CDC42BPA: variants seen among roughly 807,000 people sequenced by gnomAD.
The protein encoded by CDC42BPA is serine/threonine-protein kinase MRCK alpha.
CDC42BPA carries 80 observed loss-of-function variants against 223.5 expected under a neutral mutation model. The observed-to-expected ratio is 0.36, with a 90% CI of 0.30 to 0.43. The LOEUF is 0.43. Among genes scored for constraint, CDC42BPA ranks in the 20% least tolerant of loss-of-function variants. The probability of loss-of-function intolerance (pLI) is 1.00; values close to 1 mark genes in which losing one functional copy is unlikely to be tolerated. For synonymous variants in CDC42BPA, 694 were observed against 718.6 expected (o/e 0.97, Z 0.55); for missense variants, 1,743 against 2,099.9 (o/e 0.83, Z 3.32).
At chr1:227,288,471 A>G (rs67316436) in intron 1 of CDC42BPA, among the ~76,000 whole-genome samples, 46,764 of 151,860 alleles carry the variant, frequency 0.31, 7,375 homozygotes, top group East Asian at 0.37. Flanking sequence ...GGCCAAGGCA[A>G]GTGGATTCCT....
At chr1:227,082,407 T>C (rs1212057474) in intron 16 of CDC42BPA, among the ~76,000 whole-genome samples, 1 of 151,896 alleles carries the variant, frequency 6.6e-6, no homozygotes, top group Non-Finnish European at 1.5e-5. Flanking sequence ...TATTTTTCTT[T>C]TGACTTGAAG....
At chr1:227,155,643 T>C (rs758103585) in intron 6 of CDC42BPA, among the ~76,000 whole-genome samples, 8 of 152,112 alleles carry the variant, frequency 5.3e-5, no homozygotes, top group Non-Finnish European at 1.2e-4. Context: ...TTCAACGTGG[T>C]GGAGAGTTTG....
At chr1:227,143,304 A>T (rs1227495464) in intron 8 of CDC42BPA, among the ~76,000 whole-genome samples, 1 of 152,210 alleles carries the variant, frequency 6.6e-6, no homozygotes, top group Non-Finnish European at 1.5e-5. Flanking sequence ...TTTGTGTAGA[A>T]GCTAATATTT....
At chr1:227,122,710 C>G (rs1688864905) in intron 11 of CDC42BPA, among the ~76,000 whole-genome samples, 5 of 152,140 alleles carry the variant, frequency 3.3e-5, no homozygotes, top group Admixed American at 3.3e-4. Context: ...AACCCCTCCC[C>G]TAATATTTAA....
intron 4 of CDC42BPA, among the ~76,000 whole-genome samples, chr1:227,198,448 AAAAAG>A (rs1334184951): frequency 1.4e-5 from 2 of 141,000 alleles, no homozygotes; most frequent in African/African-American, 5.3e-5. Context: ...CAAAAAAAAA[AAAAAG>A]AAAAGAAAGA....
At chr1:227,066,630 T>C (rs1195491212) in intron 21 of CDC42BPA, among the ~76,000 whole-genome samples, 1 of 152,052 alleles carries the variant, frequency 6.6e-6, no homozygotes, top group African/African-American at 2.4e-5. Context: ...GTTTGTGCCA[T>C]AAAATATTGG....
At chr1:227,033,199 C>T (rs575032402) in intron 27 of CDC42BPA, 135 bp downstream of exon 27, 2 of 564,754 alleles carry the variant, frequency 3.5e-6, no homozygotes, top group East Asian at 5.7e-5. Context: ...CCTTCAAGTA[C>T]TGGATGATAT....
At chr1:227,211,712 C>T (rs1443273129) in intron 3 of CDC42BPA, among the ~76,000 whole-genome samples, 1 of 152,008 alleles carries the variant, frequency 6.6e-6, no homozygotes, top group Admixed American at 6.6e-5. Flanking sequence ...GGAAGCTAAA[C>T]CATGAGTACA....
chr1:227,180,890 G>A (rs1200486093), intron 5 of CDC42BPA, among the ~76,000 whole-genome samples: 3 of 149,558 alleles, frequency 2.0e-5, no homozygotes, highest in African/African-American at 7.3e-5. Context: ...GTTTAAACAT[G>A]GTTAGAAATA....
intron 2 of CDC42BPA, among the ~76,000 whole-genome samples, chr1:227,232,047 A>T (rs1177996280): frequency 1.3e-5 from 2 of 152,164 alleles, no homozygotes; most frequent in Non-Finnish European, 2.9e-5. Context: ...TTTAGTCATG[A>T]AGTCCTTGCC....
At chr1:227,118,012 AG>A (rs547415665) in intron 12 of CDC42BPA, among the ~76,000 whole-genome samples, 4 of 152,230 alleles carry the variant, frequency 2.6e-5, no homozygotes, top group Non-Finnish European at 4.4e-5. Context: ...ACCCATGTGA[AG>A]ATACTTGACC....
chr1:227,298,044 A>G (rs908562834), intron 1 of CDC42BPA, among the ~76,000 whole-genome samples: 12 of 148,866 alleles, frequency 8.1e-5, no homozygotes. Flanking sequence ...TACATACACC[A>G]AAAGAAAGCA....
At chr1:227,089,649 TTTA>T (rs1449269664) in intron 16 of CDC42BPA, among the ~76,000 whole-genome samples, 39 of 141,904 alleles carry the variant, frequency 2.7e-4, no homozygotes, top group African/African-American at 1.0e-3. Context: ...TTTTTTTTTT[TTTA>T]AAAACAAACT....
At chr1:227,008,642 C>A (rs1379610111) in intron 34 of CDC42BPA, among the ~76,000 whole-genome samples, 1 of 151,812 alleles carries the variant, frequency 6.6e-6, no homozygotes, top group African/African-American at 2.4e-5. Flanking sequence ...AAGGTTATGG[C>A]AAAACAACTA....
chr1:227,223,620 TCTAGCAC>T (rs2147888833), intron 2 of CDC42BPA, among the ~76,000 whole-genome samples: 1 of 152,230 alleles, frequency 6.6e-6, no homozygotes, highest in East Asian at 1.9e-4. Flanking sequence ...GAGTGAGAAA[TCTAGCAC>T]CTCCCTTTGT....
chr1:227,182,043 G>A (rs913960251), intron 5 of CDC42BPA, among the ~76,000 whole-genome samples: 28 of 152,016 alleles, frequency 1.8e-4, no homozygotes, highest in African/African-American at 4.1e-4. Flanking sequence ...TTTATTTTCC[G>A]TAAGACATTG....
chr1:227,086,769 TA>T (rs1346418944), intron 16 of CDC42BPA, among the ~76,000 whole-genome samples: 2 of 150,856 alleles, frequency 1.3e-5, no homozygotes, highest in Non-Finnish European at 2.9e-5. Context: ...TGGACTCACA[TA>T]AATCCTCCCG....
At chr1:227,026,354 A>T (rs1402395665) in intron 30 of CDC42BPA, among the ~76,000 whole-genome samples, 1 of 152,212 alleles carries the variant, frequency 6.6e-6, no homozygotes, top group African/African-American at 2.4e-5. Flanking sequence ...CATGATTCAG[A>T]TTATATAGCC....
chr1:227,194,229 T>C (rs1670286417), intron 4 of CDC42BPA, among the ~76,000 whole-genome samples: 1 of 152,116 alleles, frequency 6.6e-6, no homozygotes, highest in Admixed American at 6.5e-5. Flanking sequence ...CCTACAACAA[T>C]GGAACACAGC....
Sources: allele counts gnomAD v4.1 joint callset (sites outside exome capture counted in the v4.1 genomes callset), GRCh38; gene constraint gnomAD v4.1.1; transcripts MANE v1.5; gene names NCBI Gene and HGNC (gene_info 2026-07-23, HGNC 2026-07-21).